Variants in CCDC171 observed in about 807,000 individuals in gnomAD.
CCDC171 encodes coiled-coil domain containing 171.
A neutral mutation model predicts 168.2 loss-of-function variants in CCDC171; 177 were observed. The observed-to-expected ratio is 1.05, with a 90% CI of 0.93 to 1.19. The LOEUF is 1.19. CCDC171 is among the 50% of genes most tolerant of loss of function. CCDC171 has a pLI of 0.00. For missense variants in CCDC171, 1,991 were observed against 1,539.0 expected (o/e 1.29, Z -4.91); for synonymous variants, 687 against 540.8 (o/e 1.27, Z -3.75).
the CCDC171 span, among the ~76,000 whole-genome samples, chr9:16,094,646 G>A: frequency 6.6e-6 from 1 of 152,136 alleles, no homozygotes; most frequent in Admixed American, 6.6e-5. Context: ...TCAAGAGTGG[G>A]ACTATGTTAA....
At chr9:16,018,850 A>T (rs533231905) in intron 3 of CCDC171, among the ~76,000 whole-genome samples, 16 of 152,316 alleles carry the variant, frequency 1.1e-4, no homozygotes, top group Admixed American at 3.3e-4. Flanking sequence ...CTTTTTTCAG[A>T]GATGATGTGA....
chr9:16,107,489 C>A, the CCDC171 span, among the ~76,000 whole-genome samples: 1 of 152,050 alleles, frequency 6.6e-6, no homozygotes, highest in Non-Finnish European at 1.5e-5. Context: ...TACACAAGTT[C>A]CCCAAATGCT....
At chr9:16,087,668 C>G in the CCDC171 span, among the ~76,000 whole-genome samples, 3 of 144,908 alleles carry the variant, frequency 2.1e-5, no homozygotes, top group Non-Finnish European at 3.0e-5. Flanking sequence ...CTGTTGAATA[C>G]AGCACACTGA....
intron 2 of CCDC171, among the ~76,000 whole-genome samples, chr9:15,568,912 T>G (rs1471287058): frequency 6.6e-6 from 1 of 152,214 alleles, no homozygotes; most frequent in Non-Finnish European, 1.5e-5. Flanking sequence ...TAGATCCCAT[T>G]GGTCAATTTT....
chr9:15,781,790 T>G (rs150360086), intron 20 of CCDC171, among the ~76,000 whole-genome samples: 52 of 152,314 alleles, frequency 3.4e-4, no homozygotes, highest in African/African-American at 1.2e-3. Context: ...AGTGATCGTG[T>G]TGACCAGGTA....
At chr9:15,610,153 G>GAT (rs1255666208) in intron 6 of CCDC171, among the ~76,000 whole-genome samples, 1 of 151,702 alleles carries the variant, frequency 6.6e-6, no homozygotes, top group South Asian at 2.1e-4. Context: ...ACTCTTTGAG[G>GAT]ATATAAGTCA....
At chr9:16,076,234 G>A in the CCDC171 span, among the ~76,000 whole-genome samples, 1 of 152,072 alleles carries the variant, frequency 6.6e-6, no homozygotes. Flanking sequence ...TTCCAACATG[G>A]GACAGGTAAT....
At chr9:15,797,820 G>T (rs894801158) in intron 21 of CCDC171, among the ~76,000 whole-genome samples, 2 of 152,076 alleles carry the variant, frequency 1.3e-5, no homozygotes, top group East Asian at 3.8e-4. Context: ...TTTATACATG[G>T]TGTGGTGTAA....
At chr9:15,985,565 T>G (rs1831959619) in intron 3 of CCDC171, among the ~76,000 whole-genome samples, 1 of 152,154 alleles carries the variant, frequency 6.6e-6, no homozygotes, top group Admixed American at 6.6e-5. Context: ...AATTAAGACC[T>G]AGAGAGATTA....
intron 1 of CCDC171, among the ~76,000 whole-genome samples, chr9:15,557,207 T>C (rs928935210): frequency 2.2e-4 from 33 of 152,268 alleles, no homozygotes; most frequent in African/African-American, 7.5e-4. Context: ...TTGCTTAGGA[T>C]TGTCTTGGCA....
At chr9:15,749,937 C>T (rs1356446683) in intron 18 of CCDC171, among the ~76,000 whole-genome samples, 1 of 151,440 alleles carries the variant, frequency 6.6e-6, no homozygotes, top group East Asian at 1.9e-4. Flanking sequence ...CACACAGATT[C>T]AAAAGCTAGC....
chr9:15,855,087 T>C (rs950042680), intron 23 of CCDC171, among the ~76,000 whole-genome samples: 1 of 151,698 alleles, frequency 6.6e-6, no homozygotes, highest in African/African-American at 2.4e-5. Flanking sequence ...ATGTCTGTTA[T>C]GTCTAGCGGG....
At chr9:15,945,912 T>C (rs1589209725) in intron 25 of CCDC171, among the ~76,000 whole-genome samples, 1 of 150,536 alleles carries the variant, frequency 6.6e-6, no homozygotes, top group African/African-American at 2.4e-5. Flanking sequence ...ATTTTGCCTT[T>C]GGTTGCCATT....
At chr9:15,975,008 A>G (rs1426591586), downstream of CCDC171, among the ~76,000 whole-genome samples, 2 of 152,068 alleles carry the variant, frequency 1.3e-5, no homozygotes, top group Non-Finnish European at 2.9e-5. Flanking sequence ...GGCTCAAGTG[A>G]TCCTCCCACC....
Position 15,777,641 on chromosome 9 carries a change from G to C in CCDC171, c.2713G>C (p.Ala905Pro), listed in dbSNP as rs1278622633. The change falls in exon 19 of 26, where the codon GCC becomes CCC. Residue 905 changes from alanine (A) to proline (P), a missense_variant. Transcript: ENST00000380701. ...RICGHLLIGA[A>P]KNSFAKLMDK... ...TTGTGGACATTTACTCATAGGTGCA[G>C]CCAAGAATTCTTTTGCAAAACTCAT... 6.2e-7 allele frequency: 1 copy of C among 1,613,796 alleles called. No homozygotes were observed.
intron 11 of CCDC171, among the ~76,000 whole-genome samples, chr9:15,714,036 A>G (rs556100206): frequency 2.0e-5 from 3 of 152,270 alleles, no homozygotes; most frequent in African/African-American, 4.8e-5. Context: ...TTGTTTCACA[A>G]TGAAACTGCA....
At chr9:15,962,083 T>G (rs1358405305) in intron 25 of CCDC171, among the ~76,000 whole-genome samples, 1 of 152,214 alleles carries the variant, frequency 6.6e-6, no homozygotes, top group Non-Finnish European at 1.5e-5. Context: ...TCACTGTCCA[T>G]AAATAAAGTT....
the CCDC171 span, among the ~76,000 whole-genome samples, chr9:16,101,428 C>T: frequency 5.4e-4 from 82 of 152,316 alleles, 2 homozygotes; most frequent in African/African-American, 1.9e-3. Context: ...GTGACCCTCC[C>T]TCTGGTATAA....
chr9:15,572,199 G>T (rs2040283519), intron 3 of CCDC171, among the ~76,000 whole-genome samples: 2 of 152,120 alleles, frequency 1.3e-5, no homozygotes, highest in African/African-American at 4.8e-5. Flanking sequence ...TTATTAGTAT[G>T]TATGTGTGTG....
Sources: gnomAD v4.1 joint callset for allele counts (sites outside exome capture counted in the v4.1 genomes callset) on GRCh38, gnomAD v4.1.1 for gene constraint, MANE v1.5 for transcripts, NCBI Gene and HGNC (gene_info 2026-07-23, HGNC 2026-07-21) for gene names.